MAML3: variants seen among roughly 807,000 people sequenced by gnomAD.
The protein encoded by MAML3 is mastermind-like protein 3.
A neutral mutation model predicts 101.9 loss-of-function variants in MAML3; 27 were observed. The observed-to-expected ratio is 0.27, with a 90% CI of 0.20 to 0.37. MAML3 has a LOEUF of 0.37. Ranked by LOEUF, MAML3 falls within the 10% of genes least tolerant of loss-of-function variation. The pLI is 1.00. For synonymous variants in MAML3, 501 were observed against 555.9 expected (o/e 0.90, Z 1.39); for missense variants, 1,316 against 1,444.9 (o/e 0.91, Z 1.45).
chr4:139,920,030 TA>T (rs1187472601), intron 1 of MAML3, among the ~76,000 whole-genome samples: 1 of 152,252 alleles, frequency 6.6e-6, no homozygotes, highest in Non-Finnish European at 1.5e-5. Flanking sequence ...TTGTATGCCA[TA>T]ACTGTTTTTC....
At chr4:140,145,051 T>C (rs570956560) in intron 1 of MAML3, among the ~76,000 whole-genome samples, 4 of 152,258 alleles carry the variant, frequency 2.6e-5, no homozygotes, top group Non-Finnish European at 4.4e-5. Flanking sequence ...TGAGTCACAG[T>C]TGCAACCCAG....
intron 1 of MAML3, among the ~76,000 whole-genome samples, chr4:139,905,467 G>A (rs1054518224): frequency 6.9e-5 from 8 of 115,214 alleles, no homozygotes; most frequent in African/African-American, 1.8e-4. Flanking sequence ...ACTCCAGCCC[G>A]GGCGGCAGAG....
intron 2 of MAML3, among the ~76,000 whole-genome samples, chr4:139,742,843 T>C (rs1189915034): frequency 1.3e-5 from 2 of 152,230 alleles, no homozygotes; most frequent in Non-Finnish European, 2.9e-5. Flanking sequence ...TTTTTGACTA[T>C]AACAATAGAG....
chr4:139,884,300 C>T (rs1732282012), intron 2 of MAML3, among the ~76,000 whole-genome samples: 1 of 152,156 alleles, frequency 6.6e-6, no homozygotes, highest in Non-Finnish European at 1.5e-5. Context: ...ATATACCACA[C>T]AGGGCATTCC....
At chr4:139,733,396 C>G (rs996519423) in intron 2 of MAML3, among the ~76,000 whole-genome samples, 6 of 152,100 alleles carry the variant, frequency 3.9e-5, no homozygotes, top group Non-Finnish European at 5.9e-5. Flanking sequence ...GACCAGCCCG[C>G]ACAGCTGGGG....
At chr4:139,938,753 G>A (rs951502142) in intron 1 of MAML3, among the ~76,000 whole-genome samples, 2 of 152,212 alleles carry the variant, frequency 1.3e-5, no homozygotes, top group African/African-American at 4.8e-5. Flanking sequence ...CCTGATAAAG[G>A]TGTTTTAAAG....
chr4:139,951,850 G>A (rs1733836593), intron 1 of MAML3, among the ~76,000 whole-genome samples: 1 of 151,870 alleles, frequency 6.6e-6, no homozygotes, highest in Non-Finnish European at 1.5e-5. Context: ...GAAGGATGGA[G>A]CCATTAAATT....
intron 2 of MAML3, among the ~76,000 whole-genome samples, chr4:139,804,679 A>G (rs959994799): frequency 6.6e-6 from 1 of 152,210 alleles, no homozygotes; most frequent in East Asian, 1.9e-4. Context: ...CTCTTTCTGC[A>G]AGCATATTAA....
chr4:140,112,482 C>G (rs1046610982), intron 1 of MAML3, among the ~76,000 whole-genome samples: 1 of 152,332 alleles, frequency 6.6e-6, no homozygotes, highest in African/African-American at 2.4e-5. Flanking sequence ...AAGTAGCCAG[C>G]GAGTGCAGCT....
At chr4:139,955,149 G>C (rs1290285620) in intron 1 of MAML3, among the ~76,000 whole-genome samples, 2 of 152,010 alleles carry the variant, frequency 1.3e-5, no homozygotes, top group Non-Finnish European at 2.9e-5. Flanking sequence ...ATGTTACTCA[G>C]AGTCCCTGAT....
chr4:140,032,879 TAAA>T lies in MAML3; in HGVS notation c.468+119978_468+119980del, dbSNP rs34897100. On this transcript the variant is annotated intron_variant, in intron 1 of 4. Coordinates refer to ENST00000509479, the MANE Select transcript of MAML3 (RefSeq NM_018717.5). ...TTGGAAAAAAACCTCTCATTGTTTG[TAAA>T]AAAAAAAAAAAAAAAAAGTGAGAGA... Among the ~76,000 whole-genome samples the T allele has an allele frequency of 1.0e-3, 143 of 137,752 alleles. 1 individual carries two copies. The highest frequency in any genetic ancestry group is 2.3e-3 in the African/African-American group (90 of 38,606). The allele number at this position is 137,752 out of a possible 152,430, so 90.4% of individuals were successfully genotyped here.
At chr4:139,983,577 A>T (rs1260731450) in intron 1 of MAML3, among the ~76,000 whole-genome samples, 1 of 152,226 alleles carries the variant, frequency 6.6e-6, no homozygotes, top group African/African-American at 2.4e-5. Context: ...AAATCCAAAA[A>T]ATATCCGAAA....
At chr4:139,814,883 A>C (rs1730867675) in intron 2 of MAML3, among the ~76,000 whole-genome samples, 1 of 152,190 alleles carries the variant, frequency 6.6e-6, no homozygotes, top group South Asian at 2.1e-4. Context: ...ACGGAAGACA[A>C]AGGGAATTTT....
In MAML3 at chr4:139,915,992, C is replaced by T. The variant is rs570863326; in HGVS notation, c.469-25025G>A. On this transcript the variant is annotated intron_variant, in intron 1 of 4. Coordinates refer to ENST00000509479, the MANE Select transcript of MAML3 (RefSeq NM_018717.5). Reference sequence around the variant, plus strand: ...TCTTGTGTGTGCATCCATTAAATACCAGGCAAATTCAAGATCTTTTCTCTT... The same window carrying T: ...TCTTGTGTGTGCATCCATTAAATACTAGGCAAATTCAAGATCTTTTCTCTT... 2.0e-5 allele frequency among the ~76,000 whole-genome samples: 3 copies of T among 152,278 alleles called. No individual in the cohort carries two copies. In the South Asian group the frequency reaches 6.2e-4, roughly 32 times the overall value.
At chr4:140,124,756 C>T (rs2111030590) in intron 1 of MAML3, among the ~76,000 whole-genome samples, 1 of 152,324 alleles carries the variant, frequency 6.6e-6, no homozygotes, top group East Asian at 1.9e-4. Flanking sequence ...AGCTGGTAAA[C>T]TGCTAGAAAA....
At chr4:140,129,854 A>G (rs1207104640) in intron 1 of MAML3, among the ~76,000 whole-genome samples, 4 of 152,012 alleles carry the variant, frequency 2.6e-5, no homozygotes, top group Non-Finnish European at 5.9e-5. Flanking sequence ...AGTCCCAGCT[A>G]TTCGAGAGGC....
At chr4:139,993,551 C>G (rs764780839) in intron 1 of MAML3, among the ~76,000 whole-genome samples, 1 of 151,596 alleles carries the variant, frequency 6.6e-6, no homozygotes, top group African/African-American at 2.4e-5. Flanking sequence ...TTTGGCCTGG[C>G]GCAGTGGCTC....
At chr4:140,094,007 A>C (rs1000136077) in intron 1 of MAML3, among the ~76,000 whole-genome samples, 4 of 152,216 alleles carry the variant, frequency 2.6e-5, no homozygotes, top group African/African-American at 9.6e-5. Flanking sequence ...GCTGAGCCAG[A>C]AGAGACCTGT....
chr4:139,925,672 A>C (rs1470385461), intron 1 of MAML3, among the ~76,000 whole-genome samples: 1 of 152,216 alleles, frequency 6.6e-6, no homozygotes, highest in Non-Finnish European at 1.5e-5. Flanking sequence ...GATGACATCT[A>C]ATTTCAGGTA....
Sources: gnomAD v4.1 joint callset for allele counts (sites outside exome capture counted in the v4.1 genomes callset) on GRCh38, gnomAD v4.1.1 for gene constraint, MANE v1.5 for transcripts, NCBI Gene and HGNC (gene_info 2026-07-23, HGNC 2026-07-21) for gene names.